ZNF81: variants seen among roughly 807,000 people sequenced by gnomAD.
The protein encoded by ZNF81 is zinc finger protein 81 (HFZ20).
Under a neutral mutation model 32.3 loss-of-function variants are expected in ZNF81, and 5 were observed. That is an observed-to-expected ratio of 0.15 (90% CI 0.08 to 0.33). ZNF81 has a LOEUF of 0.33. Ranked by LOEUF, ZNF81 falls within the 10% of genes least tolerant of loss-of-function variation. ZNF81 has a pLI of 1.00. For missense variants in ZNF81, 379 were observed against 479.8 expected (o/e 0.79, Z 1.96); for synonymous variants, 163 against 166.8 (o/e 0.98, Z 0.17).
At chrX:47,910,570 G>A (rs190605054) in intron 4 of ZNF81, among the ~76,000 whole-genome samples, 2,053 of 111,874 alleles carry the variant, frequency 0.018, 49 homozygotes, top group African/African-American at 0.064. Context: ...GGCAATCATT[G>A]AAAAGTCAGG....
chrX:47,892,570 G>A (rs1157985897), intron 3 of ZNF81, among the ~76,000 whole-genome samples: 5 of 111,912 alleles, frequency 4.5e-5, no homozygotes, highest in Non-Finnish European at 9.4e-5. Context: ...TTTGGTCCAT[G>A]TTTAGCCAAC....
intron 2 of ZNF81, among the ~76,000 whole-genome samples, chrX:47,856,048 CAAAA>C (rs61300154): frequency 0.022 from 1,045 of 48,598 alleles, 54 homozygotes; most frequent in African/African-American, 0.087. Context: ...GACTCTGCCT[CAAAA>C]AAAAAAAAAA....
chrX:47,875,828 AG>A (rs1330266142), intron 2 of ZNF81, among the ~76,000 whole-genome samples: 1 of 112,481 alleles, frequency 8.9e-6, no homozygotes, highest in Non-Finnish European at 1.9e-5. Flanking sequence ...GAGATTGCAA[AG>A]GTAGCAGGAA....
chrX:47,889,608 C>T (rs1302123838), intron 3 of ZNF81, among the ~76,000 whole-genome samples: 2 of 111,772 alleles, frequency 1.8e-5, no homozygotes, highest in African/African-American at 6.5e-5. Context: ...TGTATTAGTC[C>T]GTTTGTTCTC....
At chrX:47,909,215 A>G (rs1208600689) in intron 4 of ZNF81, among the ~76,000 whole-genome samples, 4 of 112,140 alleles carry the variant, frequency 3.6e-5, no homozygotes, top group East Asian at 5.6e-4. Context: ...AAGTGTGCCT[A>G]TTTTACCACA....
intron 2 of ZNF81, among the ~76,000 whole-genome samples, chrX:47,848,118 T>C (rs782178529): frequency 0.022 from 2,455 of 110,572 alleles, 28 homozygotes; most frequent in Middle Eastern, 0.033. Context: ...GGTTTCACCG[T>C]GTTAGCCAGG....
At chrX:47,894,419 C>G (rs1353886203) in intron 3 of ZNF81, among the ~76,000 whole-genome samples, 1 of 111,813 alleles carries the variant, frequency 8.9e-6, no homozygotes, top group Non-Finnish European at 1.9e-5. Context: ...TAATCATGAT[C>G]AGTTACCCCA....
intron 3 of ZNF81, among the ~76,000 whole-genome samples, chrX:47,893,044 T>A (rs988480968): frequency 1.2e-4 from 13 of 112,413 alleles, no homozygotes; most frequent in African/African-American, 3.9e-4. Flanking sequence ...AGGTTCAATG[T>A]CTAGTCTATT....
intron 4 of ZNF81, among the ~76,000 whole-genome samples, chrX:47,899,741 A>G (rs974269593): frequency 2.7e-5 from 3 of 112,060 alleles, no homozygotes; most frequent in Non-Finnish European, 3.8e-5. Flanking sequence ...GGAAGGATTT[A>G]ATGACAAACT....
Position 47,888,056 on chromosome X carries a change from C to G in ZNF81, c.112C>G (p.Leu38Val), listed in dbSNP as rs782464522. 8.3e-7 allele frequency: 1 copy of G among 1,210,642 alleles called. No individual in the cohort carries two copies. The highest frequency in any genetic ancestry group is 1.1e-6 in the Non-Finnish European group (1 of 895,165). ...VDFSREEWQQ[L>V]DSTQRRLYQD... ...CTTCAGTAGAGAGGAGTGGCAGCAA[C>G]TGGACTCTACTCAAAGACGCCTGTA... The change falls in exon 3 of 5, where the codon CTG becomes GTG. Residue 38 changes from leucine (L) to valine (V), a missense_variant. Leu to Val is a conservative substitution (Grantham distance 32). Around this residue, in one of 2 missense-constraint regions of ZNF81, gnomAD observed 277 missense variants for 306.6 expected, o/e 0.90. Transcript: ENST00000338637.
At chrX:47,911,715 T>C (rs1216748708) in intron 4 of ZNF81, among the ~76,000 whole-genome samples, 1 of 111,747 alleles carries the variant, frequency 8.9e-6, no homozygotes, top group African/African-American at 3.2e-5. Flanking sequence ...GTTTCTGTTA[T>C]AATTAGGAGT....
At chrX:47,856,213 A>G (rs1444800698) in intron 2 of ZNF81, among the ~76,000 whole-genome samples, 1 of 111,437 alleles carries the variant, frequency 9.0e-6, no homozygotes, top group Non-Finnish European at 1.9e-5. Flanking sequence ...ATGAATGTAT[A>G]TCATTATAAA....
chrX:47,884,073 C>G (rs781810387), intron 2 of ZNF81, among the ~76,000 whole-genome samples: 1 of 108,783 alleles, frequency 9.2e-6, no homozygotes, highest in South Asian at 4.0e-4. Context: ...TGGTGAAACC[C>G]TGTCTCTACT....
intron 1 of ZNF81, chrX:47,841,583 T>C (rs2058449682): frequency 2.0e-6 from 2 of 1,013,097 alleles, no homozygotes. Context: ...TTTCCTCTGC[T>C]CCTTCTTTGC....
rs782323881 is a variant in ZNF81, at chrX:47,868,010, GGCTATTAT to G, written c.55-19988_55-19981del. On this transcript the variant is annotated intron_variant, in intron 2 of 4. Transcript: ENST00000338637. ...AGATGCAGAACACAAAGATACCCCT[GGCTATTAT>G]CGAGTTTATTATTATGAGGCATTCT... Among the ~76,000 whole-genome samples the G allele has an allele frequency of 2.2e-4, 25 of 111,684 alleles. No individual in the cohort carries two copies. In the South Asian group the frequency reaches 9.4e-3, roughly 42 times the overall value.
At position 47,873,342 on chromosome X, in the gene ZNF81, CAT is replaced by C. The variant is rs782328534; in HGVS notation, c.55-14655_55-14654del. ...ACCAGTATCTACCAGAAAAGGCAAA[CAT>C]AGGTTAGCCTGAGGGAAAGTTATTG... On this transcript the variant is annotated intron_variant, in intron 2 of 4. Coordinates refer to ENST00000338637, the MANE Select transcript of ZNF81 (RefSeq NM_007137.5). Among the ~76,000 whole-genome samples the C allele has an allele frequency of 2.7e-5, 3 of 111,949 alleles. No individual in the cohort carries two copies. In the South Asian group the frequency reaches 1.1e-3, roughly 42 times the overall value.
At chrX:47,912,670 C>T (rs1395527635) in intron 4 of ZNF81, among the ~76,000 whole-genome samples, 1 of 109,454 alleles carries the variant, frequency 9.1e-6, no homozygotes, top group East Asian at 2.8e-4. Context: ...TCCACCATCT[C>T]TTAGGATTTT....
At chrX:47,895,129 T>C (rs2058675231) in intron 3 of ZNF81, among the ~76,000 whole-genome samples, 1 of 110,722 alleles carries the variant, frequency 9.0e-6, no homozygotes, top group Admixed American at 9.6e-5. Flanking sequence ...CTCTTGTGGG[T>C]AGAATTTTGT....
chrX:47,894,476 G>T lies in ZNF81; in HGVS notation c.182-1369G>T, dbSNP rs146972041. On this transcript the variant is annotated intron_variant, in intron 3 of 4. Transcript: ENST00000338637. ...TTTGCCAGTTGATTCAGGAGCATGA[G>T]GGACCCGAAGTGGTCGGGTGGGAGT... 1.1e-3 allele frequency among the ~76,000 whole-genome samples: 120 copies of T among 111,937 alleles called. 2 individuals carry two copies. The East Asian group carries it at 0.031, about 29-fold the overall frequency.
Sources: gnomAD v4.1 joint callset for allele counts (sites outside exome capture counted in the v4.1 genomes callset) on GRCh38, gnomAD v4.1.1 for gene constraint, gnomAD v4.1.1 regional missense constraint, MANE v1.5 for transcripts, NCBI Gene and HGNC (gene_info 2026-07-23, HGNC 2026-07-21) for gene names.